UBAC2: variants seen among roughly 807,000 people sequenced by gnomAD.
The protein encoded by UBAC2 is ubiquitin-associated domain-containing protein 2.
UBAC2 carries 26 observed loss-of-function variants against 44.0 expected under a neutral mutation model. The ratio of observed to expected loss-of-function variants is 0.59; its 90% CI spans 0.43 to 0.82. UBAC2 has a LOEUF of 0.82. UBAC2 is among the 40% of genes least tolerant of loss of function. The pLI, the probability that UBAC2 is intolerant of heterozygous loss-of-function variation, is 0.00. For synonymous variants in UBAC2, 155 were observed against 154.3 expected (o/e 1.00, Z -0.04); for missense variants, 329 against 419.4 (o/e 0.78, Z 1.88).
chr13:99,359,512 T>A lies in UBAC2; in HGVS notation c.808-8275T>A, dbSNP rs74112056. ...GAGACTCCTGTTAAATCAACCTGTT[T>A]CCTAAATGTGTAAGTATTTCCTTAT... On this transcript the variant is annotated intron_variant, in intron 7 of 8. Coordinates refer to ENST00000403766, the MANE Select transcript of UBAC2 (RefSeq NM_001144072.2). Among the ~76,000 whole-genome samples the A allele has an allele frequency of 1.8e-3, 270 of 152,280 alleles. 1 individual carries two copies. The highest frequency in any genetic ancestry group is 6.1e-3 in the African/African-American group (253 of 41,556).
At chr13:99,345,351 G>A (rs771822439) in intron 7 of UBAC2, among the ~76,000 whole-genome samples, 24 of 150,988 alleles carry the variant, frequency 1.6e-4, no homozygotes, top group Non-Finnish European at 3.5e-4. Flanking sequence ...TTATTGCACA[G>A]TGTAAGATGG....
chr13:99,217,988 C>A (rs1323539574), intron 1 of UBAC2, among the ~76,000 whole-genome samples: 1 of 152,220 alleles, frequency 6.6e-6, no homozygotes, highest in Non-Finnish European at 1.5e-5. Flanking sequence ...AGTATTATTT[C>A]TTCTCTCTTA....
At chr13:99,322,278 C>A (rs1434373740) in intron 6 of UBAC2, among the ~76,000 whole-genome samples, 1 of 152,166 alleles carries the variant, frequency 6.6e-6, no homozygotes, top group Non-Finnish European at 1.5e-5. Context: ...TGCTTACTTA[C>A]TGAACTTCAT....
At chr13:99,267,641 T>A (rs2043760993) in intron 4 of UBAC2, among the ~76,000 whole-genome samples, 1 of 152,232 alleles carries the variant, frequency 6.6e-6, no homozygotes, top group South Asian at 2.1e-4. Context: ...TGCTTTCTTA[T>A]GCTCTGAAAG....
At chr13:99,310,065 G>A (rs946541319) in intron 4 of UBAC2, among the ~76,000 whole-genome samples, 6 of 152,232 alleles carry the variant, frequency 3.9e-5, no homozygotes, top group African/African-American at 4.8e-5. Flanking sequence ...AATGGCTCAC[G>A]CCTGTAATCT....
At chr13:99,259,534 G>T (rs1012821743) in intron 4 of UBAC2, among the ~76,000 whole-genome samples, 1 of 152,128 alleles carries the variant, frequency 6.6e-6, no homozygotes, top group African/African-American at 2.4e-5. Flanking sequence ...CCAGTTACTT[G>T]CTTAAGAACT....
chr13:99,217,270 C>A (rs769164712), intron 1 of UBAC2, among the ~76,000 whole-genome samples: 4 of 152,160 alleles, frequency 2.6e-5, no homozygotes, highest in African/African-American at 4.8e-5. Context: ...TGCTGAAGGG[C>A]CACTCAGAAG....
intron 1 of UBAC2, among the ~76,000 whole-genome samples, chr13:99,219,480 C>T (rs1195113066): frequency 6.6e-6 from 1 of 152,166 alleles, no homozygotes; most frequent in Non-Finnish European, 1.5e-5. Context: ...CCCATTAAGC[C>T]AGGCTTGTCC....
intron 6 of UBAC2, among the ~76,000 whole-genome samples, chr13:99,336,750 C>G (rs2044794057): frequency 1.3e-5 from 2 of 152,186 alleles, no homozygotes; most frequent in South Asian, 2.1e-4. Flanking sequence ...CTTGCCTTTT[C>G]TGGGTTTTTT....
At chr13:99,276,901 G>A (rs2043890639) in intron 4 of UBAC2, among the ~76,000 whole-genome samples, 1 of 152,200 alleles carries the variant, frequency 6.6e-6, no homozygotes, top group South Asian at 2.1e-4. Flanking sequence ...CAGCAGGTGG[G>A]TAGAGTTCAG....
intron 7 of UBAC2, among the ~76,000 whole-genome samples, chr13:99,342,794 A>G (rs1162826422): frequency 6.6e-6 from 1 of 151,766 alleles, no homozygotes; most frequent in South Asian, 2.1e-4. Context: ...TGCCATGCCC[A>G]GCAGATCCAC....
chr13:99,317,950 T>TA, intron 5 of UBAC2, 72 bp from the exon 6 acceptor site: 1 of 1,210,844 alleles, frequency 8.3e-7, no homozygotes, highest in Middle Eastern at 1.9e-4. Context: ...TGACTATAGT[T>TA]ATGTAAAAAT....
intron 4 of UBAC2, among the ~76,000 whole-genome samples, chr13:99,310,335 G>GA (rs982803207): frequency 4.6e-5 from 7 of 152,020 alleles, no homozygotes; most frequent in African/African-American, 1.7e-4. Flanking sequence ...GGTGTCTCAA[G>GA]AAAAAAAGAA....
intron 8 of UBAC2, among the ~76,000 whole-genome samples, chr13:99,384,216 C>T (rs2045589256): frequency 6.6e-6 from 1 of 152,174 alleles, no homozygotes; most frequent in Non-Finnish European, 1.5e-5. Context: ...ACTAAGTCCT[C>T]AGGTGAACCC....
intron 6 of UBAC2, among the ~76,000 whole-genome samples, chr13:99,318,681 C>T (rs1464274662): frequency 2.6e-5 from 4 of 151,042 alleles, no homozygotes; most frequent in South Asian, 2.1e-4. Context: ...ATTTGCTGGG[C>T]GTGGTGGCAG....
At chr13:99,269,812 A>G (rs1053932196) in intron 4 of UBAC2, among the ~76,000 whole-genome samples, 1 of 152,226 alleles carries the variant, frequency 6.6e-6, no homozygotes, top group Non-Finnish European at 1.5e-5. Flanking sequence ...GCCTGCAGTA[A>G]CACTGCACTA....
intron 4 of UBAC2, 95 bp downstream of exon 4, chr13:99,244,719 T>A: frequency 1.4e-6 from 1 of 734,662 alleles, no homozygotes; most frequent in Non-Finnish European, 2.2e-6. Context: ...AATAATATTT[T>A]AAACTTCTAG....
At position 99,295,550 on chromosome 13, in the gene UBAC2, C is replaced by G; in HGVS notation, c.390-18547C>G. On this transcript the variant is annotated intron_variant, in intron 4 of 8. Transcript: ENST00000403766. This position sits in a 1 kb window ranked among gnomAD's most constrained non-coding sequence, Gnocchi z 4.1. ...AAGTACATATCCTATGAAACATGCC[C>G]CAAGCAGAATCCAGGGAAGAGATTT... 1 of 1,613,766 alleles carries G rather than the reference C, an allele frequency of 6.2e-7. No individual in the cohort carries two copies. Among genetic ancestry groups the G allele is most frequent in the Non-Finnish European group, 8.5e-7 (1 of 1,179,994 alleles).
At chr13:99,283,162 G>A (rs2043975207) in intron 4 of UBAC2, among the ~76,000 whole-genome samples, 1 of 152,160 alleles carries the variant, frequency 6.6e-6, no homozygotes, top group African/African-American at 2.4e-5. Flanking sequence ...AAATTATTTT[G>A]TTTACTTACT....
Sources: gnomAD v4.1 joint callset for allele counts (sites outside exome capture counted in the v4.1 genomes callset) on GRCh38, gnomAD v4.1.1 for gene constraint, Gnocchi (gnomAD v3.1) non-coding constraint, MANE v1.5 for transcripts, NCBI Gene and HGNC (gene_info 2026-07-23, HGNC 2026-07-21) for gene names.